PCDH9: variants seen among roughly 807,000 people sequenced by gnomAD.
The protein encoded by PCDH9 is protocadherin-9.
Under a neutral mutation model 70.6 loss-of-function variants are expected in PCDH9, and 24 were observed. That is an observed-to-expected ratio of 0.34 (90% CI 0.25 to 0.48). PCDH9 has a LOEUF of 0.48. PCDH9 is among the 20% of genes least tolerant of loss of function. The pLI, the probability that PCDH9 is intolerant of heterozygous loss-of-function variation, is 0.99. For synonymous variants in PCDH9, 562 were observed against 558.5 expected, an observed-to-expected ratio of 1.01 and a Z score of -0.09; for missense variants, 1,281 against 1,503.6, an observed-to-expected ratio of 0.85 and a Z score of 2.45.
chr13:66,498,461 G>A (rs1452710244), intron 4 of PCDH9, among the ~76,000 whole-genome samples: 1 of 151,928 alleles, frequency 6.6e-6, no homozygotes, highest in Non-Finnish European at 1.5e-5. Flanking sequence ...CACAGGCAAG[G>A]AGTGTTGAAA....
At chr13:66,991,802 A>G (rs1227298019) in intron 2 of PCDH9, among the ~76,000 whole-genome samples, 4 of 152,114 alleles carry the variant, frequency 2.6e-5, no homozygotes, top group African/African-American at 4.8e-5. Flanking sequence ...TAGTGTTTCA[A>G]TGAAGGATAC....
chr13:66,793,468 A>G (rs777498000), intron 3 of PCDH9, among the ~76,000 whole-genome samples: 3 of 152,176 alleles, frequency 2.0e-5, no homozygotes, highest in Non-Finnish European at 4.4e-5. Flanking sequence ...CCTTAATACC[A>G]TTATATTGGC....
intron 2 of PCDH9, chr13:67,208,148 T>C (rs2089394869): frequency 6.6e-6 from 1 of 152,236 alleles, no homozygotes; most frequent in South Asian, 2.1e-4. Flanking sequence ...ATTTTCTTTA[T>C]CTGTCCATCT....
At chr13:67,074,860 T>C (rs2085846421) in intron 2 of PCDH9, among the ~76,000 whole-genome samples, 1 of 152,098 alleles carries the variant, frequency 6.6e-6, no homozygotes, top group Non-Finnish European at 1.5e-5. Flanking sequence ...TTTAATAGAT[T>C]TATTGTCCTC....
intron 2 of PCDH9, among the ~76,000 whole-genome samples, chr13:66,965,456 C>G (rs1197930589): frequency 2.0e-5 from 3 of 152,054 alleles, no homozygotes; most frequent in Non-Finnish European, 4.4e-5. Flanking sequence ...CTTTTTCTCA[C>G]CACTCCATAT....
At chr13:67,057,205 G>C (rs939818001) in intron 2 of PCDH9, among the ~76,000 whole-genome samples, 2 of 152,100 alleles carry the variant, frequency 1.3e-5, no homozygotes, top group African/African-American at 4.8e-5. Flanking sequence ...ATTCTGATTT[G>C]TGTTTTCAAT....
chr13:67,088,396 C>T (rs2086152049), intron 2 of PCDH9, among the ~76,000 whole-genome samples: 2 of 152,050 alleles, frequency 1.3e-5, no homozygotes, highest in South Asian at 2.1e-4. Flanking sequence ...GCCACTGATA[C>T]ATCTCGCATA....
intron 3 of PCDH9, among the ~76,000 whole-genome samples, chr13:66,827,368 AAAAAAAG>A (rs1385732802): frequency 6.6e-6 from 1 of 150,494 alleles, no homozygotes; most frequent in Admixed American, 6.6e-5. Context: ...GGCAAAAAAA[AAAAAAAG>A]AAAAAAAAGA....
At chr13:66,909,361 C>A (rs1057054979) in intron 2 of PCDH9, among the ~76,000 whole-genome samples, 1 of 152,020 alleles carries the variant, frequency 6.6e-6, no homozygotes, top group African/African-American at 2.4e-5. Flanking sequence ...GTTAAAATGA[C>A]TATACCGCCC....
intron 4 of PCDH9, among the ~76,000 whole-genome samples, chr13:66,506,259 A>C (rs780755112): frequency 8.5e-5 from 13 of 152,140 alleles, no homozygotes; most frequent in Non-Finnish European, 1.6e-4. Flanking sequence ...TGGGCCTCTA[A>C]GTTTACACAT....
chr13:66,489,871 T>C (rs148031287), intron 4 of PCDH9, among the ~76,000 whole-genome samples: 1 of 152,302 alleles, frequency 6.6e-6, no homozygotes, highest in Non-Finnish European at 1.5e-5. Context: ...TCAGACTTCA[T>C]TGTCCTCAAA....
intron 4 of PCDH9, among the ~76,000 whole-genome samples, chr13:66,626,104 G>A (rs544363345): frequency 1.3e-5 from 2 of 152,242 alleles, no homozygotes; most frequent in Non-Finnish European, 2.9e-5. Context: ...AAATAGAGGA[G>A]TTGTGCTTTT....
chr13:66,699,582 T>C (rs1382259669), intron 3 of PCDH9, among the ~76,000 whole-genome samples: 1 of 151,846 alleles, frequency 6.6e-6, no homozygotes, highest in Non-Finnish European at 1.5e-5. Flanking sequence ...GCCACCACAA[T>C]CCAAGAAACG....
chr13:66,849,603 C>T (rs564169755), intron 3 of PCDH9, among the ~76,000 whole-genome samples: 4 of 149,642 alleles, frequency 2.7e-5, no homozygotes, highest in Admixed American at 6.7e-5. Context: ...AGAACTGTGC[C>T]GCTTTAAGGT....
At chr13:66,719,347 A>G (rs1268041306) in intron 3 of PCDH9, among the ~76,000 whole-genome samples, 1 of 152,246 alleles carries the variant, frequency 6.6e-6, no homozygotes, top group East Asian at 1.9e-4. Context: ...TTGTGGTGTT[A>G]TTAAGAGGTG....
intron 2 of PCDH9, among the ~76,000 whole-genome samples, chr13:67,014,018 C>A (rs1326278231): frequency 1.3e-5 from 2 of 152,046 alleles, no homozygotes; most frequent in African/African-American, 4.8e-5. Context: ...TTTCTGCTTC[C>A]TTCATATTCA....
chr13:66,430,120 ATACATGCT>A (rs1957745280), intron 4 of PCDH9, among the ~76,000 whole-genome samples: 1 of 152,094 alleles, frequency 6.6e-6, no homozygotes, highest in South Asian at 2.1e-4. Context: ...TATAAAAGTA[ATACATGCT>A]TACTACAAAC....
At chr13:66,735,911 C>T (rs2079140936) in intron 3 of PCDH9, among the ~76,000 whole-genome samples, 1 of 151,698 alleles carries the variant, frequency 6.6e-6, no homozygotes, top group African/African-American at 2.4e-5. Flanking sequence ...TTGCAGTGAG[C>T]TGAGATTGTG....
chr13:66,828,149 C>T (rs918798823), intron 3 of PCDH9, among the ~76,000 whole-genome samples: 3 of 151,952 alleles, frequency 2.0e-5, no homozygotes, highest in South Asian at 2.1e-4. Flanking sequence ...AAGTTTAAAA[C>T]GTGAAAGTAC....
Sources: allele counts gnomAD v4.1 joint callset (sites outside exome capture counted in the v4.1 genomes callset), GRCh38; gene constraint gnomAD v4.1.1; transcripts MANE v1.5; gene names NCBI Gene and HGNC (gene_info 2026-07-23, HGNC 2026-07-21).